The following LRFN5 variants were observed in gnomAD, a reference collection of about 807,000 sequenced individuals.
The protein encoded by LRFN5 is leucine-rich repeat and fibronectin type-III domain-containing protein 5.
In LRFN5, 24 loss-of-function variants were observed where a neutral mutation model predicts 45.6. The ratio of observed to expected loss-of-function variants is 0.53; its 90% CI spans 0.38 to 0.74. The LOEUF (loss-of-function observed/expected upper bound fraction) is 0.74. Among genes scored for constraint, LRFN5 ranks in the 30% least tolerant of loss-of-function variants. LRFN5 has a pLI of 0.00. For synonymous variants in LRFN5, 340 were observed against 313.8 expected, an observed-to-expected ratio of 1.08 and a Z score of -0.88; for missense variants, 776 against 861.5, an observed-to-expected ratio of 0.90 and a Z score of 1.24.
intron 2 of LRFN5, among the ~76,000 whole-genome samples, chr14:41,847,975 C>T (rs1253966079): frequency 6.6e-6 from 1 of 152,150 alleles, no homozygotes; most frequent in Admixed American, 6.6e-5. Flanking sequence ...ATATCAAACA[C>T]ATGCAGAAAT....
At chr14:41,841,085 A>G (rs1033429514) in intron 2 of LRFN5, among the ~76,000 whole-genome samples, 1 of 151,888 alleles carries the variant, frequency 6.6e-6, no homozygotes, top group Non-Finnish European at 1.5e-5. Context: ...TGGAAAAAAA[A>G]AACCACTTTT....
intron 1 of LRFN5, among the ~76,000 whole-genome samples, chr14:41,611,083 T>G (rs1044416334): frequency 6.6e-6 from 1 of 152,146 alleles, no homozygotes; most frequent in Non-Finnish European, 1.5e-5. Context: ...AAGGACTCGA[T>G]TTTTGCAGGT....
intron 2 of LRFN5, among the ~76,000 whole-genome samples, chr14:41,811,982 A>G (rs1718677646): frequency 3.3e-5 from 5 of 152,166 alleles, no homozygotes; most frequent in Admixed American, 3.3e-4. Context: ...AATATGGAGT[A>G]TAAGATAATT....
chr14:41,607,008 C>T lies in LRFN5; in HGVS notation c.-1751C>T, dbSNP rs926777911. ...CCCGGCCGCGGCCGCAGCCCCGGAC[C>T]TCGGCTGCTTGCCTCGCGCCTGAAC... is the stretch of plus-strand genomic sequence containing the variant. On this transcript the variant is annotated 5_prime_UTR_variant, in exon 1 of 6. Transcript: ENST00000298119. Among the ~76,000 whole-genome samples the T allele has an allele frequency of 1.3e-5, 2 of 152,098 alleles. No homozygotes were observed. Among genetic ancestry groups the T allele is most frequent in the African/African-American group, 2.4e-5 (1 of 41,444 alleles).
intron 1 of LRFN5, among the ~76,000 whole-genome samples, chr14:41,658,010 A>G (rs977485473): frequency 2.0e-4 from 30 of 151,920 alleles, no homozygotes; most frequent in Admixed American, 2.0e-3. Flanking sequence ...CCTGTTTACA[A>G]AGCTCTAATC....
chr14:41,825,318 G>A (rs765325927), intron 2 of LRFN5, among the ~76,000 whole-genome samples: 2 of 152,184 alleles, frequency 1.3e-5, no homozygotes, highest in Non-Finnish European at 2.9e-5. Context: ...CCATGTTTAT[G>A]TGAAAGTGCT....
chr14:41,783,118 A>G (rs752191925), intron 2 of LRFN5, among the ~76,000 whole-genome samples: 3 of 151,862 alleles, frequency 2.0e-5, no homozygotes, highest in Non-Finnish European at 4.4e-5. Flanking sequence ...AAATCTGGGT[A>G]TATTTCAGAA....
intron 1 of LRFN5, among the ~76,000 whole-genome samples, chr14:41,650,236 T>TACACACACACACACACAC (rs1555351105): frequency 3.1e-5 from 4 of 128,214 alleles, no homozygotes; most frequent in African/African-American, 1.2e-4. Context: ...TCTACAAAAA[T>TACACACACACACACACAC]ACACACACAC....
At chr14:41,822,451 A>G (rs77893758) in intron 2 of LRFN5, among the ~76,000 whole-genome samples, 2 of 151,972 alleles carry the variant, frequency 1.3e-5, no homozygotes, top group African/African-American at 4.8e-5. Flanking sequence ...GTGTTTTTGT[A>G]GTTTTGATTG....
At chr14:41,639,968 T>C (rs1879495253) in intron 1 of LRFN5, among the ~76,000 whole-genome samples, 1 of 144,792 alleles carries the variant, frequency 6.9e-6, no homozygotes, top group African/African-American at 2.6e-5. Context: ...TTTTTTTTTT[T>C]TTTTTTTTTT....
At chr14:41,663,379 G>A (rs936784233) in intron 1 of LRFN5, among the ~76,000 whole-genome samples, 2 of 152,006 alleles carry the variant, frequency 1.3e-5, no homozygotes, top group African/African-American at 4.8e-5. Flanking sequence ...TTAGCAAAAA[G>A]GACTTTGAGG....
At chr14:41,704,735 A>C (rs1313075900) in intron 1 of LRFN5, among the ~76,000 whole-genome samples, 5 of 152,024 alleles carry the variant, frequency 3.3e-5, no homozygotes, top group African/African-American at 1.2e-4. Flanking sequence ...TTTGAAAGTG[A>C]AGGATCATGC....
chr14:41,806,299 C>G (rs937734663), intron 2 of LRFN5, among the ~76,000 whole-genome samples: 6 of 152,128 alleles, frequency 3.9e-5, no homozygotes, highest in Non-Finnish European at 1.5e-5. Context: ...GCTCAGCATT[C>G]AGGGAATACA....
intron 2 of LRFN5, among the ~76,000 whole-genome samples, chr14:41,823,601 G>C (rs1403377105): frequency 6.6e-6 from 1 of 152,062 alleles, no homozygotes; most frequent in African/African-American, 2.4e-5. Context: ...AGTTTAGAAA[G>C]CCTGATGACT....
At chr14:41,670,008 G>A (rs1319471037) in intron 1 of LRFN5, among the ~76,000 whole-genome samples, 1 of 149,392 alleles carries the variant, frequency 6.7e-6, no homozygotes, top group Admixed American at 6.7e-5. Flanking sequence ...AAAAAAATTT[G>A]CTATGCAGTA....
At chr14:41,813,815 TA>T (rs1299855936) in intron 2 of LRFN5, among the ~76,000 whole-genome samples, 2 of 152,226 alleles carry the variant, frequency 1.3e-5, no homozygotes, top group African/African-American at 4.8e-5. Flanking sequence ...ACCAACAGTG[TA>T]AAAGCATTCC....
At chr14:41,744,966 A>G (rs574290904) in intron 1 of LRFN5, among the ~76,000 whole-genome samples, 2 of 152,276 alleles carry the variant, frequency 1.3e-5, no homozygotes, top group East Asian at 3.9e-4. Context: ...TTCACTCTCA[A>G]TAGAACAACT....
At chr14:41,768,041 A>G (rs757170240) in intron 2 of LRFN5, among the ~76,000 whole-genome samples, 25 of 152,190 alleles carry the variant, frequency 1.6e-4, no homozygotes, top group Non-Finnish European at 3.2e-4. Flanking sequence ...CAAAAGTTTG[A>G]TATAGCTGAA....
At chr14:41,655,120 CTT>C (rs899204389) in intron 1 of LRFN5, among the ~76,000 whole-genome samples, 8 of 151,972 alleles carry the variant, frequency 5.3e-5, no homozygotes, top group Non-Finnish European at 8.8e-5. Flanking sequence ...GACCTATACT[CTT>C]ATAGCTACGT....
Sources: allele counts gnomAD v4.1 joint callset (sites outside exome capture counted in the v4.1 genomes callset), GRCh38; gene constraint gnomAD v4.1.1; transcripts MANE v1.5; gene names NCBI Gene and HGNC (gene_info 2026-07-23, HGNC 2026-07-21).